Variants in ZNF582 observed in about 807,000 individuals in gnomAD.
The protein encoded by ZNF582 is zinc finger protein 582.
ZNF582 carries 14 observed loss-of-function variants against 12.3 expected under a neutral mutation model. That is an observed-to-expected ratio of 1.14 (90% CI 0.75 to 1.78). ZNF582 has a LOEUF of 1.78. Ranked by LOEUF, ZNF582 falls within the 40% of genes most tolerant of loss-of-function variation. The pLI is 0.00. For missense variants in ZNF582, 567 were observed against 616.5 expected, an observed-to-expected ratio of 0.92 and a Z score of 0.85; for synonymous variants, 210 against 207.2, an observed-to-expected ratio of 1.01 and a Z score of -0.11.
At chr19:56,384,237 G>A in exon 5 of ZNF582, 1 of 1,613,950 alleles carries the variant, frequency 6.2e-7, no homozygotes, top group East Asian at 2.2e-5. Flanking sequence ...CATTGGTAGG[G>A]TTTCTCTCCA....
intron 4 of ZNF582, among the ~76,000 whole-genome samples, chr19:56,386,948 T>C (rs2041971232): frequency 6.6e-6 from 1 of 152,270 alleles, no homozygotes; most frequent in East Asian, 1.9e-4. Context: ...TTTTTAAATG[T>C]TGCCATGAAG....
exon 5 of ZNF582, chr19:56,383,901 G>A (rs2041938854): frequency 6.3e-7 from 1 of 1,599,988 alleles, no homozygotes; most frequent in Non-Finnish European, 8.5e-7. Context: ...CCATTCATAT[G>A]GTTGCTTGCC....
chr19:56,391,741 C>CA lies in ZNF582; in HGVS notation c.9+2dup. On this transcript the variant is annotated splice_region_variant and intron_variant, in intron 2 of 4. Coordinates refer to ENST00000586929, the Ensembl canonical transcript of ZNF582. ...CAAATATTTATGGGATTTAAAAACTCACAAGGGACATGACTTTTAGAATTT... is the reference window on the plus strand; with the variant it reads ...CAAATATTTATGGGATTTAAAAACTCAACAAGGGACATGACTTTTAGAATTT... The CA allele has an allele frequency of 6.2e-7, 1 of 1,613,684 alleles. No individual in the cohort carries two copies.
intron 4 of ZNF582, 40 bp from the exon 5 acceptor site, chr19:56,385,224 T>C: frequency 6.6e-7 from 1 of 1,524,848 alleles, no homozygotes; most frequent in South Asian, 1.3e-5. Context: ...GCTTCTTTTT[T>C]TTTCCAGATA....
At position 56,390,641 on chromosome 19, in the gene ZNF582, GA is replaced by G. The variant is rs903486177; in HGVS notation, c.10-141del. 3 of 816,324 alleles carry G rather than the reference GA, an allele frequency of 3.7e-6. No individual in the cohort carries two copies. The African/African-American group carries it at 5.2e-5, about 14-fold the overall frequency. The allele number at this position is 816,324 out of a possible 1,614,324, so 50.6% of individuals were successfully genotyped here. On this transcript the variant is annotated intron_variant, in intron 2 of 4. Coordinates refer to ENST00000586929, the Ensembl canonical transcript of ZNF582. Reference sequence around the variant, plus strand: ...GGACTGAATGTGAAAGGTGACAGAAGAAATGGGGATGAGTAAAACAGAATGA... The same window carrying G: ...GGACTGAATGTGAAAGGTGACAGAAGAATGGGGATGAGTAAAACAGAATGA...
chr19:56,391,043 T>G (rs770825769), intron 2 of ZNF582, among the ~76,000 whole-genome samples: 34 of 152,328 alleles, frequency 2.2e-4, no homozygotes, highest in Non-Finnish European at 4.7e-4. Context: ...GGAAAAACCA[T>G]GGAGATAACT....
intron 4 of ZNF582, among the ~76,000 whole-genome samples, chr19:56,386,889 G>T (rs1166856333): frequency 6.6e-6 from 1 of 152,218 alleles, no homozygotes; most frequent in Non-Finnish European, 1.5e-5. Flanking sequence ...GTCCTAATTT[G>T]CTGAATCATA....
exon 5 of ZNF582, chr19:56,384,485 T>C (rs543588123): frequency 7.5e-6 from 12 of 1,607,958 alleles, no homozygotes; most frequent in South Asian, 3.3e-5. Flanking sequence ...CTTGCATGCA[T>C]AGGGTTTTTC....
At position 56,385,019 on chromosome 19, in the gene ZNF582, C is replaced by T. The variant is rs1303232659; in HGVS notation, c.398G>A (p.Gly133Glu). 5 of 1,614,058 alleles carry T rather than the reference C, an allele frequency of 3.1e-6. No individual in the cohort carries two copies. The Admixed American group carries it at 6.7e-5, about 22-fold the overall frequency. The change falls in exon 5 of 5, where the codon GGA (glycine) becomes GAA (glutamate). Residue 133 changes from glycine (G) to glutamate (E), a missense_variant. Coordinates refer to ENST00000586929, the Ensembl canonical transcript of ZNF582. ...CTGATGGAAATGTCTGTCTGGATTT[C>T]CCTGTTGTCTGTCAAACTGGTTTCT...
chr19:56,384,904 A>C (rs766217194), exon 5 of ZNF582: 72 of 1,613,854 alleles, frequency 4.5e-5, no homozygotes, highest in Non-Finnish European at 5.8e-5. Context: ...TATTATACCC[A>C]AAAGGTTTTT....
At chr19:56,383,195 A>G (rs534996240) in exon 5 of ZNF582, 2 of 152,212 alleles carry the variant, frequency 1.3e-5, no homozygotes, top group South Asian at 4.1e-4. Context: ...CAGTCACATA[A>G]AACAATGTAA....
At chr19:56,383,069 G>A (rs1326264802) in exon 5 of ZNF582, 3 of 152,184 alleles carry the variant, frequency 2.0e-5, no homozygotes. Context: ...GTGCTGCACA[G>A]GAGACTGGAA....
At chr19:56,393,368 C>A in exon 1 of ZNF582, 1 of 884,722 alleles carries the variant, frequency 1.1e-6, no homozygotes. Context: ...TCTTCTCAGG[C>A]CTGAGACCCA....
At chr19:56,391,040 C>T (rs898198164) in intron 2 of ZNF582, among the ~76,000 whole-genome samples, 1 of 152,116 alleles carries the variant, frequency 6.6e-6, no homozygotes, top group Non-Finnish European at 1.5e-5. Context: ...ATGGGAAAAA[C>T]CATGGAGATA....
intron 3 of ZNF582, 100 bp from the exon 4 acceptor site, chr19:56,390,196 T>C (rs1178472270): frequency 2.2e-6 from 3 of 1,373,692 alleles, no homozygotes; most frequent in Non-Finnish European, 3.1e-6. Flanking sequence ...TTGCAGGAAG[T>C]GCCAGAGGAA....
chr19:56,385,918 A>C (rs1325378674), intron 4 of ZNF582, among the ~76,000 whole-genome samples: 1 of 152,178 alleles, frequency 6.6e-6, no homozygotes, highest in African/African-American at 2.4e-5. Context: ...ACTCATTAAT[A>C]GCACATTTTA....
intron 4 of ZNF582, chr19:56,388,190 G>A (rs2041984422): frequency 6.6e-6 from 1 of 152,164 alleles, no homozygotes; most frequent in African/African-American, 2.4e-5. Flanking sequence ...TTGAAAGGGT[G>A]TCACTGGGCA....
chr19:56,390,647 G>C (rs1380463643), intron 2 of ZNF582, 146 bp from the exon 3 acceptor site: 2 of 773,036 alleles, frequency 2.6e-6, no homozygotes, highest in Non-Finnish European at 4.2e-6. Context: ...AGAAGAAATG[G>C]GGATGAGTAA....
exon 5 of ZNF582, chr19:56,383,544 C>A: frequency 4.9e-6 from 1 of 202,748 alleles, no homozygotes; most frequent in Non-Finnish European, 9.8e-6. Flanking sequence ...ATGGTAATTG[C>A]ATGATTTCTT....
Sources: gnomAD v4.1 joint callset for allele counts (sites outside exome capture counted in the v4.1 genomes callset) on GRCh38, gnomAD v4.1.1 for gene constraint, MANE v1.5 for transcripts, NCBI Gene and HGNC (gene_info 2026-07-23, HGNC 2026-07-21) for gene names.